The following RIC3 variants were observed in gnomAD, a reference collection of about 807,000 sequenced individuals.
RIC3 encodes the protein RIC3 acetylcholine receptor chaperone, also known as protein RIC-3.
RIC3 carries 28 observed loss-of-function variants against 27.3 expected under a neutral mutation model. The observed-to-expected ratio is 1.02, with a 90% CI of 0.76 to 1.41. The LOEUF is 1.41. Among genes scored for constraint, RIC3 ranks in the 40% most tolerant of loss-of-function variants. The pLI is 0.00. For missense variants in RIC3, 501 were observed against 444.7 expected (o/e 1.13, Z -1.14); for synonymous variants, 184 against 160.4 (o/e 1.15, Z -1.11).
chr11:8,169,005 T>C lies in RIC3; in HGVS notation c.-16A>G, dbSNP rs745860821. 6 of 1,559,876 alleles carry C rather than the reference T, an allele frequency of 3.8e-6. No individual in the cohort carries two copies. The highest frequency in any genetic ancestry group is 1.8e-4 in the Middle Eastern group (1 of 5,464). On this transcript the variant is annotated 5_prime_UTR_variant, in exon 1 of 6. Coordinates refer to ENST00000309737, the MANE Select transcript of RIC3 (RefSeq NM_001206671.4). ...AGTACGCCATGACTGCTCACGGTGG[T>C]CGCAGGTGCAGACGCCAGCCGGAAC...
At chr11:8,101,095 T>C, downstream of RIC3, 1 of 1,407,302 alleles carries the variant, frequency 7.1e-7, no homozygotes, top group Non-Finnish European at 9.8e-7. Flanking sequence ...TGGCTAGAGT[T>C]TAAGAATGTG....
intron 4 of RIC3, among the ~76,000 whole-genome samples, chr11:8,132,553 G>T (rs140566958): frequency 1.9e-4 from 29 of 152,218 alleles, no homozygotes; most frequent in African/African-American, 6.5e-4. Context: ...TGACATTCTA[G>T]GTTTCATTAT....
chr11:8,168,782 A>C (rs745771344), intron 1 of RIC3, 84 bp downstream of exon 1: 7 of 1,513,314 alleles, frequency 4.6e-6, no homozygotes, highest in Non-Finnish European at 6.2e-6. Flanking sequence ...AAGGCTGCAG[A>C]CTCTCAGAGT....
intron 1 of RIC3, among the ~76,000 whole-genome samples, chr11:8,149,085 C>T (rs931689606): frequency 1.2e-4 from 18 of 150,238 alleles, no homozygotes; most frequent in East Asian, 3.9e-4. Context: ...CCCAGCTATT[C>T]GGGAGGCTGA....
intron 4 of RIC3, among the ~76,000 whole-genome samples, chr11:8,128,597 G>A (rs2133674898): frequency 6.6e-6 from 1 of 152,108 alleles, no homozygotes; most frequent in Non-Finnish European, 1.5e-5. Flanking sequence ...TAATTAAGTT[G>A]ACAACAGTAT....
chr11:8,140,209 T>A lies in RIC3; in HGVS notation c.125-16A>T. 6.2e-7 allele frequency: 1 copy of A among 1,602,214 alleles called. No homozygotes were observed. Among genetic ancestry groups the A allele is most frequent in the Non-Finnish European group, 8.5e-7 (1 of 1,172,108 alleles). ...CCCAATTTTCCTGAGAAAATAATAA[T>A]CACTTTTTATCTCTTCTACTATTTT... On this transcript the variant is annotated splice_polypyrimidine_tract_variant and intron_variant, in intron 1 of 5. Transcript: ENST00000309737.
intron 5 of RIC3, 42 bp from the exon 6 acceptor site, chr11:8,111,179 C>T: frequency 7.6e-7 from 1 of 1,322,936 alleles, no homozygotes; most frequent in Non-Finnish European, 1.0e-6. Flanking sequence ...AGAATGTCTC[C>T]TCAAAAAAAA....
At chr11:8,160,421 G>A (rs887485321) in intron 1 of RIC3, among the ~76,000 whole-genome samples, 3 of 152,232 alleles carry the variant, frequency 2.0e-5, no homozygotes, top group African/African-American at 7.2e-5. Context: ...GAAATGGTAA[G>A]CAGATACATT....
At chr11:8,113,847 C>T (rs989855663) in intron 5 of RIC3, among the ~76,000 whole-genome samples, 9 of 152,186 alleles carry the variant, frequency 5.9e-5, no homozygotes, top group South Asian at 2.1e-4. Context: ...TCAGTGGACC[C>T]GGGCACCAGG....
chr11:8,127,855 C>A (rs1004933052), intron 4 of RIC3, among the ~76,000 whole-genome samples: 3 of 152,184 alleles, frequency 2.0e-5, no homozygotes, highest in African/African-American at 7.2e-5. Context: ...CTCTGCTCAG[C>A]CTAACTTTAG....
rs1944919694 is a variant in RIC3, at chr11:8,108,626, G to T, written c.*2072C>A. On this transcript the variant is annotated 3_prime_UTR_variant, in exon 6 of 6. Transcript: ENST00000309737. Reference sequence around the variant, plus strand: ...TCCACAGCTAGAAAATGCAGGGACAGATTATGGCTCATGTTTCTCTGCCTG... The same window carrying T: ...TCCACAGCTAGAAAATGCAGGGACATATTATGGCTCATGTTTCTCTGCCTG... The T allele has an allele frequency of 6.6e-6, 1 of 152,200 alleles. No homozygotes were observed. Among genetic ancestry groups the T allele is most frequent in the Non-Finnish European group, 1.5e-5 (1 of 68,048 alleles). 9.4% of individuals were successfully genotyped at this position (152,200 alleles called of 1,614,324 possible).
chr11:8,096,620 T>C, the RIC3 span: 13 of 1,057,630 alleles, frequency 1.2e-5, no homozygotes, highest in Admixed American at 1.2e-4. Context: ...TATGTGACCA[T>C]GTGTATTTCA....
intron 1 of RIC3, among the ~76,000 whole-genome samples, chr11:8,156,087 T>C (rs976562908): frequency 1.3e-5 from 2 of 152,220 alleles, no homozygotes; most frequent in Non-Finnish European, 2.9e-5. Context: ...CTAAAAGAGA[T>C]CATTGTGTGT....
At chr11:8,136,268 A>G (rs1948406234) in intron 4 of RIC3, among the ~76,000 whole-genome samples, 1 of 152,240 alleles carries the variant, frequency 6.6e-6, no homozygotes, top group African/African-American at 2.4e-5. Flanking sequence ...TACTAGTACT[A>G]TAAAGGATGG....
chr11:8,137,457 C>G lies in RIC3; in HGVS notation c.442G>C (p.Ala148Pro), dbSNP rs748377217. 1.4e-5 allele frequency: 23 copies of G among 1,613,910 alleles called. No individual in the cohort carries two copies. The highest frequency in any genetic ancestry group is 1.9e-5 in the Non-Finnish European group (22 of 1,179,998). Residue 148 changes from alanine to proline, a missense_variant, in exon 4 of 6, where the codon GCT becomes CCT. Transcript: ENST00000309737. ...TCCTTCAGTTTTTCTTGCAGTTGAG[C>G]AAGCTCAAAACTGGCTAAAAAATAA... ...THRKITSFEL[A>P]QLQEKLKETE... is the part of the protein sequence containing the mutation.
chr11:8,149,848 T>G (rs1007062100), intron 1 of RIC3, among the ~76,000 whole-genome samples: 4 of 152,114 alleles, frequency 2.6e-5, no homozygotes, highest in African/African-American at 7.3e-5. Flanking sequence ...TTCAAAAAAA[T>G]CCACCACTGC....
At position 8,107,335 on chromosome 11, in the gene RIC3, C is replaced by G. The variant is rs941357646; in HGVS notation, c.*3363G>C. ...TGATGTGACCAAGAGCATTTCCTAC[C>G]TGAACCATGGCCTATCTCCTGTGGC... On this transcript the variant is annotated 3_prime_UTR_variant, in exon 6 of 6. Transcript: ENST00000309737. 2.0e-5 allele frequency: 3 copies of G among 152,166 alleles called. No homozygotes were observed. Among genetic ancestry groups the G allele is most frequent in the African/African-American group, 7.2e-5 (3 of 41,436 alleles). The allele number at this position is 152,166 out of a possible 1,614,324, so 9.4% of individuals were successfully genotyped here.
In RIC3 at chr11:8,111,081, G is replaced by T. The variant is rs1564957979; in HGVS notation, c.727C>A (p.Gln243Lys). Residue 243 changes from glutamine to lysine, a missense_variant, in exon 6 of 6, where the codon CAA (glutamine) becomes AAA (lysine). Coordinates refer to ENST00000309737, the MANE Select transcript of RIC3 (RefSeq NM_001206671.4). The stretch of plus-strand genomic sequence containing the variant: ...GGGTAATCCACCAAGATTGTTTCTT[G>T]CCTACGCTTGATACAGTCTGAAAGG... Reference protein sequence around the residue: ...YDLSDCIKRRQETILVDYPDP... With the variant: ...YDLSDCIKRRKETILVDYPDP... 1 of 1,613,758 alleles carries T rather than the reference G, an allele frequency of 6.2e-7. No individual in the cohort carries two copies. The highest frequency in any genetic ancestry group is 1.7e-5 in the Admixed American group (1 of 59,980).
chr11:8,093,426 G>C, the RIC3 span, among the ~76,000 whole-genome samples: 1 of 152,192 alleles, frequency 6.6e-6, no homozygotes, highest in Non-Finnish European at 1.5e-5. Context: ...TTCAGCTTAA[G>C]AGCAATCAGA....
Sources: gnomAD v4.1 joint callset for allele counts (sites outside exome capture counted in the v4.1 genomes callset) on GRCh38, gnomAD v4.1.1 for gene constraint, MANE v1.5 for transcripts, NCBI Gene and HGNC (gene_info 2026-07-23, HGNC 2026-07-21) for gene names.